ADARB2: variants seen among roughly 807,000 people sequenced by gnomAD.
The protein encoded by ADARB2 is adenosine deaminase RNA specific B2 (inactive).
A neutral mutation model predicts 62.2 loss-of-function variants in ADARB2; 25 were observed. The observed-to-expected ratio is 0.40, with a 90% CI of 0.29 to 0.56. ADARB2 has a LOEUF of 0.56. Among genes scored for constraint, ADARB2 ranks in the 20% least tolerant of loss-of-function variants. ADARB2 has a pLI of 0.43. For missense variants in ADARB2, 1,071 were observed against 1,077.4 expected, an observed-to-expected ratio of 0.99 and a Z score of 0.08; for synonymous variants, 572 against 500.8, an observed-to-expected ratio of 1.14 and a Z score of -1.90.
At chr10:1,642,420 A>G (rs1390231282) in intron 1 of ADARB2, among the ~76,000 whole-genome samples, 1 of 152,192 alleles carries the variant, frequency 6.6e-6, no homozygotes, top group Non-Finnish European at 1.5e-5. Flanking sequence ...ATTAGTAAAC[A>G]TCGTCAACAG....
chr10:1,218,616 C>T (rs1466661462), intron 6 of ADARB2, among the ~76,000 whole-genome samples: 2 of 152,236 alleles, frequency 1.3e-5, no homozygotes, highest in East Asian at 3.9e-4. Context: ...GACATGTAAT[C>T]CCCAGTGTCG....
chr10:1,280,943 C>T (rs535515771), intron 3 of ADARB2, among the ~76,000 whole-genome samples: 27 of 152,316 alleles, frequency 1.8e-4, no homozygotes, highest in African/African-American at 6.0e-4. Flanking sequence ...TGAGCACGCA[C>T]GGCTTATTTA....
At chr10:1,202,192 C>T (rs929761816) in intron 7 of ADARB2, among the ~76,000 whole-genome samples, 2 of 152,050 alleles carry the variant, frequency 1.3e-5, no homozygotes, top group South Asian at 4.2e-4. Context: ...ATCCTCCCAC[C>T]TCAGCCTCCT....
intron 1 of ADARB2, among the ~76,000 whole-genome samples, chr10:1,673,141 G>A (rs572642350): frequency 2.6e-5 from 4 of 152,088 alleles, no homozygotes; most frequent in Non-Finnish European, 5.9e-5. Flanking sequence ...GAGAGTTGAT[G>A]GATAACTTGA....
chr10:1,518,475 G>A (rs1301113098), intron 1 of ADARB2, among the ~76,000 whole-genome samples: 1 of 152,214 alleles, frequency 6.6e-6, no homozygotes, highest in East Asian at 1.9e-4. Flanking sequence ...TAACGTCCCT[G>A]GACCTCCCCA....
intron 1 of ADARB2, among the ~76,000 whole-genome samples, chr10:1,413,456 A>G (rs916251245): frequency 6.6e-6 from 1 of 152,276 alleles, no homozygotes; most frequent in Non-Finnish European, 1.5e-5. Flanking sequence ...CCTAACAGTG[A>G]CCCAGCCAAT....
chr10:1,214,563 G>A (rs192279579), intron 7 of ADARB2, among the ~76,000 whole-genome samples: 3 of 152,324 alleles, frequency 2.0e-5, no homozygotes, highest in Middle Eastern at 3.4e-3. Context: ...TGCCGGCGTC[G>A]CGTGGGTTCG....
At chr10:1,232,722 T>G (rs1830820159) in intron 6 of ADARB2, among the ~76,000 whole-genome samples, 1 of 114,632 alleles carries the variant, frequency 8.7e-6, no homozygotes, top group African/African-American at 3.6e-5. Flanking sequence ...GTGGTATGTG[T>G]GTAGTGTATG....
At chr10:1,660,767 T>A (rs1172350185) in intron 1 of ADARB2, among the ~76,000 whole-genome samples, 1 of 152,222 alleles carries the variant, frequency 6.6e-6, no homozygotes, top group South Asian at 2.1e-4. Context: ...ATCCGCACTG[T>A]GTCAGTATAC....
chr10:1,608,784 G>GAAAGA, intron 1 of ADARB2, among the ~76,000 whole-genome samples: 1 of 147,590 alleles, frequency 6.8e-6, no homozygotes, highest in South Asian at 2.3e-4. Context: ...GAGAAAGAAA[G>GAAAGA]AAAGAAAGAA....
chr10:1,647,852 ATGTGTATG>A (rs1834065425), intron 1 of ADARB2, among the ~76,000 whole-genome samples: 2 of 151,594 alleles, frequency 1.3e-5, no homozygotes, highest in African/African-American at 4.9e-5. Context: ...ATGTGTGTAT[ATGTGTATG>A]TGTGTGTATG....
At chr10:1,235,366 G>A (rs1456177204) in intron 5 of ADARB2, among the ~76,000 whole-genome samples, 1 of 98,640 alleles carries the variant, frequency 1.0e-5, no homozygotes, top group Non-Finnish European at 2.1e-5. Context: ...TTTGCCTGTT[G>A]CAAAACTCCC....
chr10:1,466,468 C>T (rs1040775258), intron 1 of ADARB2, among the ~76,000 whole-genome samples: 3 of 152,190 alleles, frequency 2.0e-5, no homozygotes, highest in African/African-American at 4.8e-5. Flanking sequence ...TCTGAGCACA[C>T]GGAGGTCCTT....
rs532932840 is a variant in ADARB2 at position 1,191,829 on chromosome 10, C to T, written c.1865-6790G>A. On this transcript the variant is annotated intron_variant, in intron 8 of 9. Transcript: ENST00000381312. ...GACCTTTTTGCTAAACACACACAAT[C>T]GTGTTAACAGTGGGCTCTGGCAGCA... 1.3e-4 allele frequency among the ~76,000 whole-genome samples: 20 copies of T among 152,238 alleles called. No homozygotes were observed. In the East Asian group the frequency reaches 3.5e-3, roughly 26 times the overall value.
At chr10:1,547,933 T>C (rs1182556465) in intron 1 of ADARB2, among the ~76,000 whole-genome samples, 1 of 152,100 alleles carries the variant, frequency 6.6e-6, no homozygotes, top group Non-Finnish European at 1.5e-5. Context: ...GGGAAGGCCT[T>C]GCCTGGTCAC....
At chr10:1,337,666 G>A (rs1001130714) in intron 3 of ADARB2, among the ~76,000 whole-genome samples, 2 of 152,030 alleles carry the variant, frequency 1.3e-5, no homozygotes, top group African/African-American at 4.8e-5. Flanking sequence ...CCCTGGGGCT[G>A]GAGTGCAGGG....
At chr10:1,187,807 G>C (rs1284012478) in intron 8 of ADARB2, 1 of 413,654 alleles carries the variant, frequency 2.4e-6, no homozygotes, top group Non-Finnish European at 5.0e-6. Context: ...TGGCGGGTGG[G>C]CTGCGGGGTC....
At chr10:1,687,280 CCTCCCAAAGTGCTGGG>C (rs1834609453) in intron 1 of ADARB2, among the ~76,000 whole-genome samples, 1 of 152,192 alleles carries the variant, frequency 6.6e-6, no homozygotes, top group African/African-American at 2.4e-5. Flanking sequence ...CCCACCTCAG[CCTCCCAAAGTGCTGGG>C]ATTACAGCTG....
chr10:1,619,289 T>TAAAAAAAA (rs59098282), intron 1 of ADARB2, among the ~76,000 whole-genome samples: 2 of 115,754 alleles, frequency 1.7e-5, no homozygotes, highest in Non-Finnish European at 3.8e-5. Flanking sequence ...ACATTGAAAG[T>TAAAAAAAA]AAAAAAAAAA....
Sources: allele counts gnomAD v4.1 joint callset (sites outside exome capture counted in the v4.1 genomes callset), GRCh38; gene constraint gnomAD v4.1.1; transcripts MANE v1.5; gene names NCBI Gene and HGNC (gene_info 2026-07-23, HGNC 2026-07-21).